ATP8A1: variants seen among roughly 807,000 people sequenced by gnomAD.
ATP8A1 encodes phospholipid-transporting ATPase IA.
A neutral mutation model predicts 177.7 loss-of-function variants in ATP8A1; 90 were observed. The ratio of observed to expected loss-of-function variants is 0.51; its 90% CI spans 0.43 to 0.60. ATP8A1 has a LOEUF of 0.60. ATP8A1 is among the 20% of genes least tolerant of loss of function. The pLI, the probability that ATP8A1 is intolerant of heterozygous loss-of-function variation, is 0.00. For missense variants in ATP8A1, 1,072 were observed against 1,392.8 expected (o/e 0.77, Z 3.67); for synonymous variants, 493 against 485.9 (o/e 1.01, Z -0.19).
At chr4:42,634,225 G>A (rs1739045638) in intron 1 of ATP8A1, among the ~76,000 whole-genome samples, 1 of 152,190 alleles carries the variant, frequency 6.6e-6, no homozygotes, top group Non-Finnish European at 1.5e-5. Context: ...ACCTCTTCAT[G>A]ATTGCATGAT....
intron 22 of ATP8A1, among the ~76,000 whole-genome samples, chr4:42,515,794 C>A (rs184098341): frequency 5.9e-5 from 9 of 152,190 alleles, no homozygotes; most frequent in Non-Finnish European, 1.2e-4. Context: ...TGCCACGCAG[C>A]GGTGCTCAGA....
At position 42,575,431 on chromosome 4, in the gene ATP8A1, C is replaced by A. The variant is rs558144585; in HGVS notation, c.1206+191G>T. ...GAGTGCTTTACCTTGAGAGCAAAAT[C>A]TCCTTGAGACAGTGTTTTTAAAAAC... On this transcript the variant is annotated intron_variant, in intron 13 of 36. Transcript: ENST00000381668. Among the ~76,000 whole-genome samples the A allele has an allele frequency of 2.0e-5, 3 of 152,180 alleles. No homozygotes were observed. In the South Asian group the frequency reaches 6.2e-4, roughly 31 times the overall value.
chr4:42,542,607 C>T (rs952004710), intron 20 of ATP8A1, among the ~76,000 whole-genome samples: 3 of 152,174 alleles, frequency 2.0e-5, no homozygotes, highest in Non-Finnish European at 4.4e-5. Context: ...CCCCACCCTG[C>T]AACGGTGTGT....
chr4:42,535,663 T>G (rs983415608), intron 20 of ATP8A1, among the ~76,000 whole-genome samples: 1 of 152,194 alleles, frequency 6.6e-6, no homozygotes, highest in Non-Finnish European at 1.5e-5. Flanking sequence ...TGAATATACA[T>G]TCTATTCATC....
chr4:42,595,807 T>G (rs6812482), intron 6 of ATP8A1, among the ~76,000 whole-genome samples: 30,297 of 152,192 alleles, frequency 0.2, 3,069 homozygotes, highest in Non-Finnish European at 0.21. Context: ...ACAGTCAGAC[T>G]TAAACAAATC....
chr4:42,517,543 GT>G (rs1050868974), intron 22 of ATP8A1, among the ~76,000 whole-genome samples: 47 of 152,304 alleles, frequency 3.1e-4, no homozygotes, highest in African/African-American at 1.1e-3. Context: ...CGCAAAGTGA[GT>G]CAAGACAACT....
At chr4:42,605,391 C>G (rs184390151) in intron 5 of ATP8A1, among the ~76,000 whole-genome samples, 1 of 152,180 alleles carries the variant, frequency 6.6e-6, no homozygotes, top group African/African-American at 2.4e-5. Context: ...TCTAGCCCTC[C>G]TCAACATGCT....
intron 4 of ATP8A1, among the ~76,000 whole-genome samples, chr4:42,618,520 G>A (rs1406675866): frequency 6.6e-6 from 1 of 152,118 alleles, no homozygotes; most frequent in Admixed American, 6.5e-5. Context: ...CTCAGACATG[G>A]AAACACATGC....
At chr4:42,426,164 A>C (rs889281085) in intron 33 of ATP8A1, among the ~76,000 whole-genome samples, 1 of 152,224 alleles carries the variant, frequency 6.6e-6, no homozygotes, top group African/African-American at 2.4e-5. Context: ...GGCATGACCG[A>C]TAAGAGGGGT....
In ATP8A1 at chr4:42,507,117, T is replaced by C. The variant is rs1724444941; in HGVS notation, c.1985A>G (p.Lys662Arg). 1.2e-6 allele frequency: 2 copies of C among 1,613,926 alleles called. No individual in the cohort carries two copies. Among genetic ancestry groups the C allele is most frequent in the East Asian group, 2.2e-5 (1 of 44,872 alleles). ...QLLGATAIED[K>R]LQDQVPETIE... ...GGTTTCAGGCACTTGATCTTGTAAT[T>C]TATCCTCAATGGCTGTTGCTCCAAG... is the stretch of plus-strand genomic sequence containing the variant. Residue 662 changes from lysine to arginine, a missense_variant, in exon 23 of 37, where the codon AAA becomes AGA. By Grantham distance (26) the Lys-to-Arg change is conservative. This residue lies in a region of ATP8A1 where 388 missense variants were observed against 471.7 expected (regional missense o/e 0.82). Coordinates refer to ENST00000381668, the MANE Select transcript of ATP8A1 (RefSeq NM_006095.2).
chr4:42,506,806 A>G (rs1487612163), intron 23 of ATP8A1, among the ~76,000 whole-genome samples: 2 of 152,222 alleles, frequency 1.3e-5, no homozygotes, highest in African/African-American at 4.8e-5. Context: ...TAAATCTTCC[A>G]TAAGCCCAAT....
chr4:42,471,873 C>T (rs926607553), intron 25 of ATP8A1: 25 of 616,990 alleles, frequency 4.1e-5, no homozygotes, highest in African/African-American at 7.3e-5. Context: ...GTTAAGAGTC[C>T]GGCATCTTTC....
chr4:42,454,085 A>G (rs185592114), intron 29 of ATP8A1, among the ~76,000 whole-genome samples: 1 of 152,348 alleles, frequency 6.6e-6, no homozygotes, highest in Non-Finnish European at 1.5e-5. Flanking sequence ...AACCAATGGC[A>G]TAAGTTAAAG....
chr4:42,521,791 T>C (rs1726155197), intron 22 of ATP8A1, among the ~76,000 whole-genome samples: 1 of 152,190 alleles, frequency 6.6e-6, no homozygotes. Context: ...TTGCATTGCA[T>C]ATTATAGTTA....
intron 1 of ATP8A1, among the ~76,000 whole-genome samples, chr4:42,630,788 T>C (rs548339665): frequency 1.6e-3 from 242 of 152,318 alleles, no homozygotes; most frequent in Non-Finnish European, 2.8e-3. Flanking sequence ...GTATTAAGTA[T>C]AGTCGAATGA....
At chr4:42,580,036 T>C in intron 10 of ATP8A1, 58 bp from the exon 11 acceptor site, 1 of 1,323,174 alleles carries the variant, frequency 7.6e-7, no homozygotes, top group Non-Finnish European at 1.0e-6. Flanking sequence ...TAGCAATCTA[T>C]ACTTAGTATT....
intron 20 of ATP8A1, among the ~76,000 whole-genome samples, chr4:42,525,606 T>C (rs75872858): frequency 0.017 from 2,607 of 152,368 alleles, 30 homozygotes; most frequent in Non-Finnish European, 0.028. Flanking sequence ...GCATCACTTA[T>C]GCTTCTCTAG....
intron 35 of ATP8A1, among the ~76,000 whole-genome samples, chr4:42,416,119 G>A (rs1713212797): frequency 6.6e-6 from 1 of 152,218 alleles, no homozygotes; most frequent in South Asian, 2.1e-4. Context: ...CATTTTTACA[G>A]AGTTGCTTTC....
chr4:42,556,754 G>C (rs1459257462), intron 15 of ATP8A1, among the ~76,000 whole-genome samples: 1 of 151,948 alleles, frequency 6.6e-6, no homozygotes, highest in Admixed American at 6.6e-5. Flanking sequence ...AGATTCAAAG[G>C]AAAAACAAGG....
Sources: gnomAD v4.1 joint callset for allele counts (sites outside exome capture counted in the v4.1 genomes callset) on GRCh38, gnomAD v4.1.1 for gene constraint, gnomAD v4.1.1 regional missense constraint, MANE v1.5 for transcripts, NCBI Gene and HGNC (gene_info 2026-07-23, HGNC 2026-07-21) for gene names.